The following TRIM16 variants were observed in gnomAD, a reference collection of about 807,000 sequenced individuals.
The protein encoded by TRIM16 is tripartite motif containing 16, also known as tripartite motif-containing protein 16.
TRIM16 carries 33 observed loss-of-function variants against 50.4 expected under a neutral mutation model. That is an observed-to-expected ratio of 0.65 (90% CI 0.50 to 0.88). The LOEUF (loss-of-function observed/expected upper bound fraction) is 0.88, where lower values mean the gene tolerates loss of function less well. TRIM16 is among the 40% of genes least tolerant of loss of function. The probability of loss-of-function intolerance (pLI) is 0.00; values close to 1 mark genes in which losing one functional copy is unlikely to be tolerated. For missense variants in TRIM16, 581 were observed against 686.8 expected (o/e 0.85, Z 1.72); for synonymous variants, 229 against 270.7 (o/e 0.85, Z 1.51).
intron 8 of TRIM16, among the ~76,000 whole-genome samples, chr17:15,641,991 C>T (rs1987136819): frequency 6.7e-6 from 1 of 148,562 alleles, no homozygotes; most frequent in African/African-American, 2.5e-5. Flanking sequence ...TACAGGTGTG[C>T]ACCACCATGC....
intron 6 of TRIM16, chr17:15,658,766 T>C (rs1268456288): frequency 2.0e-6 from 2 of 981,376 alleles, no homozygotes; most frequent in East Asian, 2.3e-4. Flanking sequence ...GTCGCATCAC[T>C]CCTCTAGAAA....
intron 6 of TRIM16, among the ~76,000 whole-genome samples, chr17:15,661,561 CCTT>C (rs1244501472): frequency 2.6e-5 from 4 of 152,202 alleles, no homozygotes; most frequent in African/African-American, 9.7e-5. Context: ...CCACTGGGCA[CCTT>C]CTTTTCCTAT....
At position 15,628,317 on chromosome 17, in the gene TRIM16, G is replaced by A. The variant is rs569659555; in HGVS notation, c.*298C>T. The A allele has an allele frequency of 2.1e-4, 56 of 262,444 alleles. No individual in the cohort carries two copies. In the South Asian group the frequency reaches 3.1e-3, roughly 15 times the overall value. The allele number at this position is 262,444 out of a possible 1,614,324, so 16.3% of individuals were successfully genotyped here. ...CCAGCTACTCGGGAGGCTGAGGCAGGAGAATTGCTTGAACTCGGGAGGCGG... is the reference window on the plus strand; with the variant it reads ...CCAGCTACTCGGGAGGCTGAGGCAGAAGAATTGCTTGAACTCGGGAGGCGG... On this transcript the variant is annotated 3_prime_UTR_variant, in exon 12 of 12. Coordinates refer to ENST00000649191, the MANE Select transcript of TRIM16 (RefSeq NM_001348119.1).
chr17:15,642,200 TG>T (rs1466090749), intron 8 of TRIM16, among the ~76,000 whole-genome samples: 1 of 149,148 alleles, frequency 6.7e-6, no homozygotes, highest in Non-Finnish European at 1.5e-5. Flanking sequence ...GAGAGGCATT[TG>T]TAGAACTCCT....
intron 8 of TRIM16, among the ~76,000 whole-genome samples, chr17:15,636,753 C>T (rs1284320244): frequency 6.8e-6 from 1 of 147,868 alleles, no homozygotes; most frequent in African/African-American, 2.5e-5. Flanking sequence ...ACTGTCTCTA[C>T]CACATACAGA....
Position 15,632,669 on chromosome 17 carries a change from G to A in TRIM16, c.855C>T (p.Tyr285=). 1 of 1,591,366 alleles carries A rather than the reference G, an allele frequency of 6.3e-7. No homozygotes were observed. The highest frequency in any genetic ancestry group is 2.2e-5 in the East Asian group (1 of 44,542). The part of the protein sequence containing the change: ...ISNTVQFLEE[Y]CKFKNTEDIT... Reference sequence around the variant, plus strand: ...TGTCTTCAGTGTTCTTAAACTTGCAGTACTCCTGCAGAAAAGGAAACAGCA... The same window carrying A: ...TGTCTTCAGTGTTCTTAAACTTGCAATACTCCTGCAGAAAAGGAAACAGCA... Residue 285 remains tyrosine, a synonymous_variant, in exon 10 of 12, where the codon TAC becomes TAT. Coordinates refer to ENST00000649191, the MANE Select transcript of TRIM16 (RefSeq NM_001348119.1).
intron 7 of TRIM16, among the ~76,000 whole-genome samples, chr17:15,644,516 T>A (rs139894767): frequency 6.6e-6 from 1 of 152,326 alleles, no homozygotes; most frequent in Admixed American, 6.5e-5. Flanking sequence ...GGAGGCTTCA[T>A]GATGTAGGCA....
chr17:15,676,438 T>C (rs867118589), intron 6 of TRIM16, among the ~76,000 whole-genome samples: 1 of 150,382 alleles, frequency 6.6e-6, no homozygotes, highest in African/African-American at 2.4e-5. Flanking sequence ...TTTCTTTTTT[T>C]TTTTTTTTTT....
At chr17:15,631,250 AG>A (rs1441323144) in intron 11 of TRIM16, among the ~76,000 whole-genome samples, 2 of 152,236 alleles carry the variant, frequency 1.3e-5, no homozygotes, top group African/African-American at 4.8e-5. Context: ...CCAGAAAAAA[AG>A]GGCATTGATG....
chr17:15,653,822 C>T (rs1450934778), intron 6 of TRIM16, among the ~76,000 whole-genome samples: 1 of 152,166 alleles, frequency 6.6e-6, no homozygotes, highest in Non-Finnish European at 1.5e-5. Context: ...CGAGGCATGA[C>T]CCCTGGACGG....
chr17:15,656,659 G>A (rs1391160700), intron 6 of TRIM16, among the ~76,000 whole-genome samples: 13 of 151,948 alleles, frequency 8.6e-5, no homozygotes, highest in Admixed American at 8.5e-4. Context: ...AAGATTTAAC[G>A]CTTCTGGCTC....
intron 6 of TRIM16, among the ~76,000 whole-genome samples, chr17:15,652,942 C>T (rs916362401): frequency 3.9e-5 from 6 of 152,262 alleles, no homozygotes; most frequent in Middle Eastern, 3.4e-3. Context: ...GCCCACTTAA[C>T]GAAACATTCC....
intron 6 of TRIM16, among the ~76,000 whole-genome samples, chr17:15,666,748 G>C (rs1435322122): frequency 6.6e-6 from 1 of 152,218 alleles, no homozygotes; most frequent in Non-Finnish European, 1.5e-5. Flanking sequence ...TCAGTAGCCT[G>C]TTGTTTTCAC....
At chr17:15,637,137 C>T (rs1323940217) in intron 8 of TRIM16, among the ~76,000 whole-genome samples, 5 of 145,084 alleles carry the variant, frequency 3.4e-5, no homozygotes, top group African/African-American at 1.0e-4. Context: ...GTCAGCCCCC[C>T]GCCCGGCCAG....
intron 7 of TRIM16, among the ~76,000 whole-genome samples, chr17:15,643,954 T>TA (rs1987232579): frequency 6.6e-6 from 1 of 152,172 alleles, no homozygotes; most frequent in East Asian, 1.9e-4. Context: ...CTTTCATAAC[T>TA]AAAACGTGTG....
In TRIM16 at chr17:15,628,947, C is replaced by T. The variant is rs771968031; in HGVS notation, c.1363G>A (p.Glu455Lys). The T allele has an allele frequency of 6.2e-7, 1 of 1,614,210 alleles. No homozygotes were observed. Among genetic ancestry groups the T allele is most frequent in the South Asian group, 1.1e-5 (1 of 91,088 alleles). ...TTTCCGGAAATGCAACTGTTGCGCT[C>T]CTCCCCTTTCCGGTCGATGCCTTTG... ...TCKGIDRKGE[E>K]RNSCISGNNF... Residue 455 changes from glutamate (E) to lysine (K), a missense_variant, in exon 12 of 12, where the codon GAG (glutamate) becomes AAG (lysine). Glu to Lys is a moderately conservative substitution (Grantham distance 56, BLOSUM62 1). This residue lies in a region of TRIM16 where 115 missense variants were observed against 106.7 expected (regional missense o/e 1.08). Coordinates refer to ENST00000649191, the MANE Select transcript of TRIM16 (RefSeq NM_001348119.1).
chr17:15,682,553 T>C (rs1189774771), intron 3 of TRIM16, among the ~76,000 whole-genome samples: 2 of 152,226 alleles, frequency 1.3e-5, no homozygotes, highest in East Asian at 3.8e-4. Flanking sequence ...AGTCTCTAAT[T>C]CTGCCAGAAA....
In TRIM16 at chr17:15,636,144, C is replaced by T. The variant is rs1472411448; in HGVS notation, c.741G>A (p.Gln247=). 6.2e-7 allele frequency: 1 copy of T among 1,610,040 alleles called. No individual in the cohort carries two copies. Among genetic ancestry groups the T allele is most frequent in the Non-Finnish European group, 8.5e-7 (1 of 1,179,026 alleles). ...LEEKEQAALS[Q]ANGIKAHLEY... ...CCAGGTGGGCCTTGATACCGTTGGC[C>T]TGGCTCAGCGCAGCTTGCTCCTTCT... The change falls in exon 9 of 12, where the codon CAG becomes CAA. Residue 247 remains glutamine, a synonymous_variant. Transcript: ENST00000649191.
At chr17:15,673,180 G>A (rs1172803996) in intron 6 of TRIM16, among the ~76,000 whole-genome samples, 1 of 152,208 alleles carries the variant, frequency 6.6e-6, no homozygotes, top group East Asian at 1.9e-4. Context: ...ATTACTTTAA[G>A]AAGTCTTATT....
Sources: allele counts gnomAD v4.1 joint callset (sites outside exome capture counted in the v4.1 genomes callset), GRCh38; gene constraint gnomAD v4.1.1; regional missense constraint gnomAD v4.1.1; transcripts MANE v1.5; gene names NCBI Gene and HGNC (gene_info 2026-07-23, HGNC 2026-07-21).